Variants in DCAF7 observed in about 807,000 individuals in gnomAD.
DCAF7 encodes DDB1- and CUL4-associated factor 7.
DCAF7 carries 4 observed loss-of-function variants against 41.2 expected under a neutral mutation model. That is an observed-to-expected ratio of 0.10 (90% confidence interval 0.05 to 0.22). The LOEUF (loss-of-function observed/expected upper bound fraction) is 0.22. Among genes scored for constraint, DCAF7 ranks in the 10% least tolerant of loss-of-function variants. The probability of loss-of-function intolerance (pLI) is 1.00; values close to 1 mark genes in which losing one functional copy is unlikely to be tolerated. For synonymous variants in DCAF7, 143 were observed against 164.2 expected, an observed-to-expected ratio of 0.87 and a Z score of 0.99; for missense variants, 131 against 443.2, an observed-to-expected ratio of 0.30 and a Z score of 6.32.
chr17:63,560,299 G>A lies in DCAF7; in HGVS notation c.138+9484G>A, dbSNP rs138734380. Among the ~76,000 whole-genome samples, 20 of 152,218 alleles carry A rather than the reference G, an allele frequency of 1.3e-4. 1 individual carries two copies. The South Asian group carries it at 2.7e-3, about 20-fold the overall frequency. ...TTTCCACCTGGTAGTTCCGCTAGTG[G>A]TAATTCATCCTACAGCTATACTCAT... On this transcript the variant is annotated intron_variant, in intron 1 of 6. Coordinates refer to ENST00000614556, the MANE Select transcript of DCAF7 (RefSeq NM_005828.5).
chr17:63,556,296 G>A (rs7210095), intron 1 of DCAF7, among the ~76,000 whole-genome samples: 30,471 of 152,128 alleles, frequency 0.2, 3,269 homozygotes, highest in Middle Eastern at 0.32. Flanking sequence ...ATGGCCAGGC[G>A]CAGTGGCTCA....
chr17:63,576,825 G>T (rs1290407158), intron 1 of DCAF7, among the ~76,000 whole-genome samples: 1 of 152,206 alleles, frequency 6.6e-6, no homozygotes, highest in Non-Finnish European at 1.5e-5. Context: ...GAAGCTGGAG[G>T]ATTGCTTAAG....
intron 2 of DCAF7, 53 bp downstream of exon 2, chr17:63,578,681 T>C (rs1862137519): frequency 6.2e-7 from 1 of 1,610,706 alleles, no homozygotes; most frequent in African/African-American, 1.3e-5. Context: ...CAGCCTCAGC[T>C]GTTAGCAGTG....
chr17:63,555,786 G>A (rs535455441), intron 1 of DCAF7, among the ~76,000 whole-genome samples: 1 of 152,250 alleles, frequency 6.6e-6, no homozygotes, highest in African/African-American at 2.4e-5. Flanking sequence ...AAGTGATAAT[G>A]CTTTAAAAAA....
Position 63,579,455 on chromosome 17 carries a change from G to C in DCAF7, c.409+7G>C. On this transcript the variant is annotated splice_region_variant and intron_variant, in intron 3 of 6. Transcript: ENST00000614556. Reference sequence around the variant, plus strand: ...GTGGATCCTTATCTTTTAGGTAAGGGAGTTAGGGAGTATGTATTTCAGCTG... The same window carrying C: ...GTGGATCCTTATCTTTTAGGTAAGGCAGTTAGGGAGTATGTATTTCAGCTG... 1.9e-6 allele frequency: 3 copies of C among 1,575,220 alleles called. No homozygotes were observed. The highest frequency in any genetic ancestry group is 1.7e-6 in the Non-Finnish European group (2 of 1,153,654).
At chr17:63,553,831 G>A (rs942866323) in intron 1 of DCAF7, among the ~76,000 whole-genome samples, 2 of 152,196 alleles carry the variant, frequency 1.3e-5, no homozygotes, top group Non-Finnish European at 2.9e-5. Context: ...TGACTTCCAG[G>A]TGTTCCTTCA....
rs1448372309 is a variant in DCAF7, at chr17:63,590,988, T to C, written c.*1816T>C. 1.3e-5 allele frequency: 2 copies of C among 152,280 alleles called. No homozygotes were observed. Among genetic ancestry groups the C allele is most frequent in the South Asian group, 2.1e-4 (1 of 4,830 alleles). 9.4% of individuals were successfully genotyped at this position (152,280 alleles called of 1,614,324 possible). A position where few individuals can be genotyped will look rare whatever the true frequency, so the allele number is the denominator to read the frequency against. On this transcript the variant is annotated 3_prime_UTR_variant, in exon 7 of 7. Transcript: ENST00000614556. ...CCCTTTTACTTTGTTGTTCTGATTT[T>C]AGGACTCTGGCTGGCCATGTGCTTG...
rs542830464 is a variant in DCAF7, at chr17:63,593,682, T to G, written c.*4510T>G. The G allele has an allele frequency of 2.0e-5, 3 of 152,796 alleles. No homozygotes were observed. The highest frequency in any genetic ancestry group is 7.2e-5 in the African/African-American group (3 of 41,586). 9.5% of individuals were successfully genotyped at this position (152,796 alleles called of 1,614,324 possible). A position where few individuals can be genotyped will look rare whatever the true frequency, so the allele number is the denominator to read the frequency against. On this transcript the variant is annotated 3_prime_UTR_variant, in exon 7 of 7. Transcript: ENST00000614556. ...TATGAAAATTGTTGAGCTGAAGCTTTGAATCGATTTAGTTGAGTCTGACTC... is the reference window on the plus strand; with the variant it reads ...TATGAAAATTGTTGAGCTGAAGCTTGGAATCGATTTAGTTGAGTCTGACTC...
At chr17:63,572,857 G>A (rs2033522082) in intron 1 of DCAF7, among the ~76,000 whole-genome samples, 1 of 152,120 alleles carries the variant, frequency 6.6e-6, no homozygotes, top group Non-Finnish European at 1.5e-5. Context: ...CTACCTCCTA[G>A]GCTCAAACCA....
rs1491249528 is a variant in DCAF7, at chr17:63,559,360, T to TAC, written c.138+8546_138+8547insCA. ...ATACATATATATACGTATATATATG[T>TAC]ATGTATATATATATGTGTATATATA... is the stretch of plus-strand genomic sequence containing the variant. On this transcript the variant is annotated intron_variant, in intron 1 of 6. Coordinates refer to ENST00000614556, the MANE Select transcript of DCAF7 (RefSeq NM_005828.5). Among the ~76,000 whole-genome samples, 51 of 121,038 alleles carry TAC rather than the reference T, an allele frequency of 4.2e-4. 2 individuals carry two copies. The East Asian group carries it at 9.7e-3, about 23-fold the overall frequency. The allele number at this position is 121,038 out of a possible 152,430, so 79.4% of individuals were successfully genotyped here. A position where few individuals can be genotyped will look rare whatever the true frequency, so the allele number is the denominator to read the frequency against.
At chr17:63,561,388 A>G (rs1041878863) in intron 1 of DCAF7, among the ~76,000 whole-genome samples, 9 of 152,288 alleles carry the variant, frequency 5.9e-5, no homozygotes, top group African/African-American at 2.2e-4. Flanking sequence ...TTTGGTTCAT[A>G]TGTTGGAAAT....
At chr17:63,552,906 CATTAGCAGTTAACT>C (rs1200172473) in intron 1 of DCAF7, among the ~76,000 whole-genome samples, 1 of 152,222 alleles carries the variant, frequency 6.6e-6, no homozygotes, top group African/African-American at 2.4e-5. Context: ...CTATCAACAG[CATTAGCAGTTAACT>C]ATATCTTAAC....
chr17:63,562,701 A>G (rs1227488556), intron 1 of DCAF7, among the ~76,000 whole-genome samples: 2 of 95,916 alleles, frequency 2.1e-5, no homozygotes, highest in Non-Finnish European at 3.9e-5. Flanking sequence ...CCCCCACCCC[A>G]CAACAGTCCC....
At chr17:63,580,061 C>T in intron 4 of DCAF7, 118 bp downstream of exon 4, 1 of 746,528 alleles carries the variant, frequency 1.3e-6, no homozygotes. Context: ...AACATAACAT[C>T]TTCTTGTCTA....
chr17:63,551,931 A>AAAAAAAG (rs1568095488), intron 1 of DCAF7, among the ~76,000 whole-genome samples: 1 of 118,954 alleles, frequency 8.4e-6, no homozygotes, highest in Non-Finnish European at 1.7e-5. Context: ...AAAAAAAAAA[A>AAAAAAAG]GCCGGGCGTA....
chr17:63,559,453 A>T (rs922553964), intron 1 of DCAF7, among the ~76,000 whole-genome samples: 1 of 142,084 alleles, frequency 7.0e-6, no homozygotes, highest in African/African-American at 2.6e-5. Flanking sequence ...ATATATATAT[A>T]TATATTTTTA....
chr17:63,559,439 G>GTGTGTGTGTA (rs1555680864), intron 1 of DCAF7, among the ~76,000 whole-genome samples: 3 of 122,178 alleles, frequency 2.5e-5, no homozygotes, highest in African/African-American at 1.0e-4. Flanking sequence ...ATATGTGTGT[G>GTGTGTGTGTA]TATATATATA....
At position 63,550,604 on chromosome 17, in the gene DCAF7, T is replaced by C. The variant is rs530493288; in HGVS notation, c.-74T>C. 108 of 1,581,896 alleles carry C rather than the reference T, an allele frequency of 6.8e-5. No individual in the cohort carries two copies. In the African/African-American group the frequency reaches 1.3e-3, roughly 19 times the overall value. On this transcript the variant is annotated 5_prime_UTR_variant, in exon 1 of 7. Transcript: ENST00000614556. The surrounding 1 kb of genome is among the most constrained non-coding windows in gnomAD (Gnocchi z 4.8). ...CCCTCCTCTCCTCCCTTCGGACCCA[T>C]AGATCTCAGGCTCGGCTCCCCGCCC...
chr17:63,579,089 G>A (rs2033592513), intron 2 of DCAF7, among the ~76,000 whole-genome samples: 1 of 152,174 alleles, frequency 6.6e-6, no homozygotes. Flanking sequence ...GTTCCAGGCT[G>A]GGCAAAGTGA....
Sources: gnomAD v4.1 joint callset for allele counts (sites outside exome capture counted in the v4.1 genomes callset) on GRCh38, gnomAD v4.1.1 for gene constraint, Gnocchi (gnomAD v3.1) non-coding constraint, MANE v1.5 for transcripts, NCBI Gene and HGNC (gene_info 2026-07-23, HGNC 2026-07-21) for gene names.